The following WDR26 variants were observed in gnomAD, a reference collection of about 807,000 sequenced individuals.
WDR26 encodes the protein WD repeat-containing protein 26.
WDR26 carries 5 observed loss-of-function variants against 84.1 expected under a neutral mutation model. The ratio of observed to expected loss-of-function variants is 0.06; its 90% CI spans 0.03 to 0.13. The LOEUF is 0.13. Ranked by LOEUF, WDR26 falls within the 10% of genes least tolerant of loss-of-function variation. The pLI is 1.00. For synonymous variants in WDR26, 415 were observed against 389.6 expected, an observed-to-expected ratio of 1.07 and a Z score of -0.77; for missense variants, 642 against 974.9, an observed-to-expected ratio of 0.66 and a Z score of 4.55.
intron 1 of WDR26, 107 bp from the exon 2 acceptor site, chr1:224,431,888 C>T (rs1674401771): frequency 1.2e-6 from 1 of 833,766 alleles, no homozygotes. Context: ...AAGCTAGCCT[C>T]ATGATGAAGA....
chr1:224,394,731 G>A (rs764314991), intron 12 of WDR26, among the ~76,000 whole-genome samples: 3 of 152,016 alleles, frequency 2.0e-5, no homozygotes, highest in East Asian at 1.9e-4. Flanking sequence ...TCCTGACCTC[G>A]TGATCCGCCC....
Position 224,387,401 on chromosome 1 carries a change from G to GT in WDR26, c.*2433dup, listed in dbSNP as rs1390079277. On this transcript the variant is annotated 3_prime_UTR_variant, in exon 14 of 14. Coordinates refer to ENST00000414423, the MANE Select transcript of WDR26 (RefSeq NM_001379403.1). ...GTTTACAGCAAATAAGTACCAGTATGTACAGGAAGCTGCCAGTTAAGACAG... is the reference window on the plus strand; with the variant it reads ...GTTTACAGCAAATAAGTACCAGTATGTTACAGGAAGCTGCCAGTTAAGACAG... 6.6e-6 allele frequency: 1 copy of GT among 152,586 alleles called. No individual in the cohort carries two copies. Among genetic ancestry groups the GT allele is most frequent in the Non-Finnish European group, 1.5e-5 (1 of 68,026 alleles). 9.5% of individuals were successfully genotyped at this position (152,586 alleles called of 1,614,324 possible). A position where few individuals can be genotyped will look rare whatever the true frequency, so the allele number is the denominator to read the frequency against.
intron 4 of WDR26, among the ~76,000 whole-genome samples, chr1:224,420,250 G>C (rs960154359): frequency 6.6e-6 from 1 of 152,250 alleles, no homozygotes; most frequent in Admixed American, 6.5e-5. Flanking sequence ...TGTATGTACA[G>C]AAGGTGGGAT....
chr1:224,414,048 G>A (rs921984465), intron 6 of WDR26, among the ~76,000 whole-genome samples: 10 of 151,842 alleles, frequency 6.6e-5, no homozygotes, highest in Non-Finnish European at 8.8e-5. Flanking sequence ...CTGACCTCAC[G>A]TGATCCAGCC....
chr1:224,421,256 A>C (rs1011399177), intron 4 of WDR26, among the ~76,000 whole-genome samples: 1 of 152,172 alleles, frequency 6.6e-6, no homozygotes, highest in African/African-American at 2.4e-5. Context: ...AGCAGGAAAA[A>C]AATCATCATG....
Position 224,418,356 on chromosome 1 carries a change from G to A in WDR26, c.1223C>T (p.Ala408Val), listed in dbSNP as rs879188103. The change falls in exon 6 of 14, where the codon GCG becomes GTG. Residue 408 changes from alanine to valine, a missense_variant. Transcript: ENST00000414423. The stretch of plus-strand genomic sequence containing the variant: ...GCACCGATCCCTTTGTAGTTCCACC[G>A]CCTGCCGCAGGAGAGTCTGTAAACG... The A allele has an allele frequency of 1.9e-6, 3 of 1,613,274 alleles. No individual in the cohort carries two copies. Among genetic ancestry groups the A allele is most frequent in the African/African-American group, 1.3e-5 (1 of 74,882 alleles).
Position 224,393,929 on chromosome 1 carries a change from C to T in WDR26, c.2159G>A (p.Ser720Asn), listed in dbSNP as rs951790710. Residue 720 changes from serine (S) to asparagine (N), a missense_variant, in exon 13 of 14, where the codon AGC becomes AAC. This residue lies in a region of WDR26 where 351 missense variants were observed against 672.8 expected (regional missense o/e 0.52). Transcript: ENST00000414423. ...CATGGATGGAATCTGTGGGTTCCAG[C>T]TCACACAGTTTACTGTACGTGTGTG... 11 of 1,592,344 alleles carry T rather than the reference C, an allele frequency of 6.9e-6. No individual in the cohort carries two copies. Among genetic ancestry groups the T allele is most frequent in the South Asian group, 4.5e-5 (4 of 89,372 alleles).
At chr1:224,396,095 TG>T (rs1390115375) in intron 12 of WDR26, among the ~76,000 whole-genome samples, 1 of 152,238 alleles carries the variant, frequency 6.6e-6, no homozygotes, top group Non-Finnish European at 1.5e-5. Flanking sequence ...ATCTGATTGA[TG>T]TTCAAAACAT....
intron 13 of WDR26, among the ~76,000 whole-genome samples, chr1:224,392,210 A>C (rs1437143100): frequency 6.6e-6 from 1 of 152,030 alleles, no homozygotes; most frequent in Non-Finnish European, 1.5e-5. Flanking sequence ...AAATACAAAA[A>C]ATTAGCTGGG....
chr1:224,414,859 A>C (rs1041879142), intron 6 of WDR26, among the ~76,000 whole-genome samples: 1 of 152,070 alleles, frequency 6.6e-6, no homozygotes, highest in Non-Finnish European at 1.5e-5. Flanking sequence ...CACAAAAACA[A>C]AGCAAAAAAG....
At chr1:224,413,219 A>G in intron 6 of WDR26, 1 of 913,680 alleles carries the variant, frequency 1.1e-6, no homozygotes, top group Non-Finnish European at 1.4e-6. Context: ...CCCCCCCCCC[A>G]AAAAAAACGT....
At chr1:224,394,786 C>T (rs973045388) in intron 12 of WDR26, among the ~76,000 whole-genome samples, 5 of 152,112 alleles carry the variant, frequency 3.3e-5, no homozygotes, top group African/African-American at 9.7e-5. Context: ...TGAGCTACTG[C>T]GCCCCGCCTG....
At chr1:224,391,349 G>A (rs1673118347) in intron 13 of WDR26, among the ~76,000 whole-genome samples, 1 of 104,736 alleles carries the variant, frequency 9.5e-6, no homozygotes, top group African/African-American at 4.4e-5. Flanking sequence ...GGCAACAAGA[G>A]CAAAACTCTG....
rs1422071819 is a variant in WDR26, at chr1:224,388,406, G to GT, written c.*1428dup. 6.6e-6 allele frequency: 1 copy of GT among 152,206 alleles called. No homozygotes were observed. The highest frequency in any genetic ancestry group is 1.5e-5 in the Non-Finnish European group (1 of 68,032). The allele number at this position is 152,206 out of a possible 1,614,324, so 9.4% of individuals were successfully genotyped here. A position where few individuals can be genotyped will look rare whatever the true frequency, so the allele number is the denominator to read the frequency against. ...GGAATTTCAAGGGAGACTATGTTAT[G>GT]TTGTATTCAGCTGTTACGGAGTTTA... On this transcript the variant is annotated 3_prime_UTR_variant, in exon 14 of 14. Transcript: ENST00000414423.
chr1:224,413,158 C>T, intron 6 of WDR26: 1 of 465,510 alleles, frequency 2.1e-6, no homozygotes, highest in Non-Finnish European at 3.1e-6. Context: ...CACTCCACTC[C>T]AGCCTGGGTG....
At chr1:224,432,136 T>C (rs1321815200) in intron 1 of WDR26, among the ~76,000 whole-genome samples, 1 of 152,222 alleles carries the variant, frequency 6.6e-6, no homozygotes, top group Non-Finnish European at 1.5e-5. Context: ...TTTTGAAAGA[T>C]AAAAATTATT....
At chr1:224,397,279 T>C (rs1201361648) in intron 12 of WDR26, among the ~76,000 whole-genome samples, 1 of 152,170 alleles carries the variant, frequency 6.6e-6, no homozygotes, top group Non-Finnish European at 1.5e-5. Context: ...GTGTAAGCCA[T>C]CATGCCCGGC....
chr1:224,432,470 G>A (rs1674420517), intron 1 of WDR26, among the ~76,000 whole-genome samples: 1 of 152,142 alleles, frequency 6.6e-6, no homozygotes, highest in African/African-American at 2.4e-5. Flanking sequence ...ATTTGTCTTT[G>A]AGCACTTAAA....
At chr1:224,392,843 C>T (rs1003575127) in intron 13 of WDR26, among the ~76,000 whole-genome samples, 8 of 151,382 alleles carry the variant, frequency 5.3e-5, no homozygotes, top group African/African-American at 1.9e-4. Context: ...CATGCTACTC[C>T]GATAACCCTC....
Sources: gnomAD v4.1 joint callset for allele counts (sites outside exome capture counted in the v4.1 genomes callset) on GRCh38, gnomAD v4.1.1 for gene constraint, gnomAD v4.1.1 regional missense constraint, MANE v1.5 for transcripts, NCBI Gene and HGNC (gene_info 2026-07-23, HGNC 2026-07-21) for gene names.